The following FBXL5 variants were observed in gnomAD, a reference collection of about 807,000 sequenced individuals.
The protein encoded by FBXL5 is F-box and leucine rich repeat protein 5.
In FBXL5, 26 loss-of-function variants were observed where a neutral mutation model predicts 78.3. That is an observed-to-expected ratio of 0.33 (90% CI 0.24 to 0.46). The LOEUF is 0.46. FBXL5 is among the 20% of genes least tolerant of loss of function. The probability of loss-of-function intolerance (pLI) is 1.00; values close to 1 mark genes in which losing one functional copy is unlikely to be tolerated. For missense variants in FBXL5, 710 were observed against 829.2 expected (o/e 0.86, Z 1.77); for synonymous variants, 295 against 282.5 (o/e 1.04, Z -0.45).
At chr4:15,652,689 G>C (rs1429593136) in intron 1 of FBXL5, among the ~76,000 whole-genome samples, 4 of 152,132 alleles carry the variant, frequency 2.6e-5, no homozygotes, top group Admixed American at 2.6e-4. Context: ...CATATAAGTG[G>C]TTTACTTGAT....
At chr4:15,618,611 C>CAGGT (rs1712143482) in intron 9 of FBXL5, among the ~76,000 whole-genome samples, 1 of 152,158 alleles carries the variant, frequency 6.6e-6, no homozygotes, top group Admixed American at 6.5e-5. Context: ...GAGGCCAAGG[C>CAGGT]AGGTGGATCA....
intron 1 of FBXL5, among the ~76,000 whole-genome samples, chr4:15,674,744 C>G (rs1381602083): frequency 4.6e-5 from 7 of 151,636 alleles, no homozygotes; most frequent in Admixed American, 2.6e-4. Context: ...CCGCCTCCCA[C>G]GTTCACACTA....
Position 15,625,673 on chromosome 4 carries a change from G to A in FBXL5, c.1429C>T (p.Pro477Ser). The A allele has an allele frequency of 6.2e-7, 1 of 1,614,156 alleles. No homozygotes were observed. Among genetic ancestry groups the A allele is most frequent in the Non-Finnish European group, 8.5e-7 (1 of 1,180,040 alleles). Residue 477 changes from proline to serine, a missense_variant, in exon 9 of 11, where the codon CCT (proline) becomes TCT (serine). Physicochemically the swap from Pro to Ser is moderately conservative, Grantham distance 74. This residue lies in a region of FBXL5 where 517 missense variants were observed against 542.9 expected (regional missense o/e 0.95). Transcript: ENST00000341285. ...KPVSSENFTS[P>S]YVWMLDAEDL... ...TCAGCATCTAACATCCACACATAAG[G>A]AGAAGTGAAATTCTCAGAAGAAACA...
At chr4:15,618,631 C>T (rs941486763) in intron 9 of FBXL5, among the ~76,000 whole-genome samples, 8 of 151,922 alleles carry the variant, frequency 5.3e-5, no homozygotes, top group Non-Finnish European at 1.2e-4. Flanking sequence ...ACCTAAAGGT[C>T]AGGAGTTCAA....
intron 6 of FBXL5, among the ~76,000 whole-genome samples, chr4:15,628,439 G>A (rs1218107516): frequency 1.3e-5 from 2 of 152,060 alleles, no homozygotes; most frequent in Non-Finnish European, 2.9e-5. Flanking sequence ...AATAACTTCT[G>A]TAAAGCTTGG....
chr4:15,661,915 C>T (rs1044462293), upstream of FBXL5, among the ~76,000 whole-genome samples: 16 of 152,328 alleles, frequency 1.1e-4, no homozygotes, highest in African/African-American at 3.8e-4. Context: ...CTCACATCCT[C>T]ATAGGCTGTT....
At chr4:15,666,822 A>T (rs1717566847) in intron 1 of FBXL5, among the ~76,000 whole-genome samples, 1 of 152,086 alleles carries the variant, frequency 6.6e-6, no homozygotes, top group Non-Finnish European at 1.5e-5. Context: ...ACCTGTCTCA[A>T]CAAACAAAAC....
At chr4:15,655,446 G>A (rs924351984), upstream of FBXL5, 175 of 971,006 alleles carry the variant, frequency 1.8e-4, no homozygotes, top group Non-Finnish European at 2.1e-4. Flanking sequence ...GGGCGCGCAG[G>A]CCGCCGCCAT....
intron 9 of FBXL5, among the ~76,000 whole-genome samples, chr4:15,621,241 C>G (rs1412541531): frequency 6.6e-6 from 1 of 152,108 alleles, no homozygotes; most frequent in Non-Finnish European, 1.5e-5. Context: ...AATGTTAGAA[C>G]TAATAAATTT....
chr4:15,655,035 G>A (rs1224190128), intron 1 of FBXL5, among the ~76,000 whole-genome samples, 169 bp downstream of exon 1: 1 of 150,936 alleles, frequency 6.6e-6, no homozygotes, highest in African/African-American at 2.4e-5. Flanking sequence ...GCCTCGCAGC[G>A]GGCGGGCAGG....
intron 1 of FBXL5, among the ~76,000 whole-genome samples, chr4:15,646,941 G>C (rs961576970): frequency 6.6e-6 from 1 of 151,896 alleles, no homozygotes; most frequent in African/African-American, 2.4e-5. Flanking sequence ...GATTGAAAAA[G>C]GCTGGGCATG....
chr4:15,617,883 G>T (rs538869447), intron 9 of FBXL5, among the ~76,000 whole-genome samples: 126 of 152,268 alleles, frequency 8.3e-4, no homozygotes, highest in Non-Finnish European at 1.1e-3. Flanking sequence ...TGAGTGATGG[G>T]ATGCTCTGTG....
At chr4:15,671,851 A>C (rs1185744613) in intron 1 of FBXL5, among the ~76,000 whole-genome samples, 1 of 152,182 alleles carries the variant, frequency 6.6e-6, no homozygotes, top group Non-Finnish European at 1.5e-5. Flanking sequence ...CCCATACAGT[A>C]GGTTTTACAT....
chr4:15,648,295 G>A (rs901968040), intron 1 of FBXL5, among the ~76,000 whole-genome samples: 2 of 152,016 alleles, frequency 1.3e-5, no homozygotes, highest in African/African-American at 4.8e-5. Flanking sequence ...GAAAGGAATT[G>A]GTACAGCCAT....
At chr4:15,665,714 G>A (rs1273286204) in intron 1 of FBXL5, among the ~76,000 whole-genome samples, 1 of 152,098 alleles carries the variant, frequency 6.6e-6, no homozygotes, top group South Asian at 2.1e-4. Context: ...ACGTTTATCT[G>A]AGAAAAGAAA....
chr4:15,669,185 GC>G (rs1717663617), intron 1 of FBXL5, among the ~76,000 whole-genome samples: 1 of 152,084 alleles, frequency 6.6e-6, no homozygotes, highest in Non-Finnish European at 1.5e-5. Flanking sequence ...AAACATCTGA[GC>G]ATACTTACAC....
At chr4:15,610,751 GAATTC>G (rs745396515) in intron 10 of FBXL5, among the ~76,000 whole-genome samples, 6 of 151,922 alleles carry the variant, frequency 3.9e-5, no homozygotes, top group East Asian at 1.9e-4. Flanking sequence ...TAAATATAAT[GAATTC>G]AATAGTGAGA....
chr4:15,661,184 G>T (rs1245036911), upstream of FBXL5, among the ~76,000 whole-genome samples: 3 of 152,106 alleles, frequency 2.0e-5, no homozygotes, highest in Non-Finnish European at 4.4e-5. Flanking sequence ...CTCTACCAAG[G>T]TGATTCTTTG....
At chr4:15,623,422 T>C (rs1712680613) in intron 9 of FBXL5, among the ~76,000 whole-genome samples, 1 of 152,060 alleles carries the variant, frequency 6.6e-6, no homozygotes, top group African/African-American at 2.4e-5. Flanking sequence ...ACTTCATTCT[T>C]TGAAAAAAAC....
Sources: allele counts gnomAD v4.1 joint callset (sites outside exome capture counted in the v4.1 genomes callset), GRCh38; gene constraint gnomAD v4.1.1; regional missense constraint gnomAD v4.1.1; transcripts MANE v1.5; gene names NCBI Gene and HGNC (gene_info 2026-07-23, HGNC 2026-07-21).